Variants in ZNF397 observed in about 807,000 individuals in gnomAD.
ZNF397 encodes zinc finger protein 397.
A neutral mutation model predicts 50.6 loss-of-function variants in ZNF397; 38 were observed. The observed-to-expected ratio is 0.75, with a 90% confidence interval of 0.58 to 0.98. The LOEUF is 0.98. Ranked by LOEUF, ZNF397 falls within the 50% of genes least tolerant of loss-of-function variation. ZNF397 has a pLI of 0.00. For synonymous variants in ZNF397, 228 were observed against 215.2 expected (o/e 1.06, Z -0.52); for missense variants, 624 against 624.1 (o/e 1.00, Z 0.00).
At chr18:35,258,556 G>C (rs983223919), downstream of ZNF397, 2 of 153,062 alleles carry the variant, frequency 1.3e-5, no homozygotes, top group Non-Finnish European at 2.9e-5. Flanking sequence ...TGGGATCAGA[G>C]GGAGTGAGAG....
downstream of ZNF397, chr18:35,254,491 A>G (rs561145342): frequency 1.3e-6 from 2 of 1,558,766 alleles, no homozygotes; most frequent in African/African-American, 2.7e-5. Context: ...TTAGGAGGAC[A>G]GTTCTCAAAA....
chr18:35,246,075 A>G lies in ZNF397; in HGVS notation c.1370A>G (p.Glu457Gly). The change falls in exon 4 of 4, where the codon GAA becomes GGA. Residue 457 changes from glutamate (E) to glycine (G), a missense_variant. Coordinates refer to ENST00000330501, the MANE Select transcript of ZNF397 (RefSeq NM_001135178.3). The stretch of plus-strand genomic sequence containing the variant: ...GGAGAGAAACCCTATGAATGTAGTG[A>G]ATGTGGAAAAGCTTTCAGTTTGAGC... ...HSGEKPYECS[E>G]CGKAFSLSSN... 6.4e-7 allele frequency: 1 copy of G among 1,558,502 alleles called. No homozygotes were observed. The highest frequency in any genetic ancestry group is 2.4e-5 in the East Asian group (1 of 41,228).
At chr18:35,250,713 A>AATT (rs2057323217), downstream of ZNF397, among the ~76,000 whole-genome samples, 1 of 152,162 alleles carries the variant, frequency 6.6e-6, no homozygotes, top group African/African-American at 2.4e-5. Flanking sequence ...CCTTCTCAGC[A>AATT]ATTAGTGTTG....
downstream of ZNF397, chr18:35,258,901 AG>A (rs2043938665): frequency 8.8e-5 from 13 of 147,130 alleles, no homozygotes; most frequent in Non-Finnish European, 1.8e-4. Flanking sequence ...AAAAAAAAAA[AG>A]GTCAAAGTGC....
chr18:35,254,378 C>T (rs1169194137), downstream of ZNF397: 3 of 1,613,936 alleles, frequency 1.9e-6, no homozygotes, highest in African/African-American at 1.3e-5. Context: ...CACCATCCTG[C>T]CATCTAAAAA....
At chr18:35,251,219 AC>A (rs2043581096), downstream of ZNF397, 1 of 152,178 alleles carries the variant, frequency 6.6e-6, no homozygotes, top group Non-Finnish European at 1.5e-5. Flanking sequence ...AATAGAAAGT[AC>A]TCCAAAATGT....
At chr18:35,245,036 A>G (rs2043449253) in intron 3 of ZNF397, among the ~76,000 whole-genome samples, 1 of 152,164 alleles carries the variant, frequency 6.6e-6, no homozygotes, top group Non-Finnish European at 1.5e-5. Flanking sequence ...ATTGTAGGTA[A>G]TTTATCAGTT....
Position 35,244,626 on chromosome 18 carries a change from G to A in ZNF397, c.557-636G>A, listed in dbSNP as rs1015833974. Among the ~76,000 whole-genome samples, 6 of 152,168 alleles carry A rather than the reference G, an allele frequency of 3.9e-5. 1 individual carries two copies. The highest frequency in any genetic ancestry group is 2.9e-5 in the Non-Finnish European group (2 of 68,038). On this transcript the variant is annotated intron_variant, in intron 3 of 3. Transcript: ENST00000330501. ...AAATCAGGCTAATATCACTGGAAGA[G>A]AATGTCTCTAGAAGGAAGGTGTGAT...
intron 3 of ZNF397, chr18:35,243,739 AC>A: frequency 3.7e-6 from 1 of 271,326 alleles, no homozygotes; most frequent in Non-Finnish European, 7.0e-6. Flanking sequence ...TAAGACTTGA[AC>A]TATGAGTAAG....
At position 35,242,397 on chromosome 18, in the gene ZNF397, A is replaced by G. The variant is rs1912572851; in HGVS notation, c.-74A>G. 2.8e-6 allele frequency: 4 copies of G among 1,432,478 alleles called. No homozygotes were observed. In the South Asian group the frequency reaches 5.5e-5, roughly 20 times the overall value. The allele number at this position is 1,432,478 out of a possible 1,614,324, so 88.7% of individuals were successfully genotyped here. The stretch of plus-strand genomic sequence containing the variant: ...CTGCTTTTATATCCTTCAGGAAAGA[A>G]GAGATTACTCACACTCCTTCGCAAG... On this transcript the variant is annotated 5_prime_UTR_variant, in exon 2 of 4. Coordinates refer to ENST00000330501, the MANE Select transcript of ZNF397 (RefSeq NM_001135178.3).
In ZNF397 at chr18:35,245,302, A is replaced by T; in HGVS notation, c.597A>T (p.Ser199=). The change falls in exon 4 of 4, where the codon TCA becomes TCT. Residue 199 remains serine, a synonymous_variant. Coordinates refer to ENST00000330501, the MANE Select transcript of ZNF397 (RefSeq NM_001135178.3). ...NSETATKEGI[S]EEKSQGLPQE... is the part of the protein sequence containing the mutation. Reference sequence around the variant, plus strand: ...AAACAGCAACAAAAGAGGGCATCTCAGAAGAAAAATCACAGGGACTCCCTC... The same window carrying T: ...AAACAGCAACAAAAGAGGGCATCTCTGAAGAAAAATCACAGGGACTCCCTC... 6.2e-7 allele frequency: 1 copy of T among 1,611,606 alleles called. No homozygotes were observed. The highest frequency in any genetic ancestry group is 8.5e-7 in the Non-Finnish European group (1 of 1,178,444).
chr18:35,245,131 C>A, intron 3 of ZNF397, 131 bp from the exon 4 acceptor site: 2 of 1,212,888 alleles, frequency 1.6e-6, no homozygotes, highest in Non-Finnish European at 1.1e-6. Context: ...CTCTTTTGGC[C>A]AGTTGAAAAA....
At chr18:35,257,233 G>A (rs1227107853) in intron 5 of ZNF397, 1 of 152,284 alleles carries the variant, frequency 6.6e-6, no homozygotes, top group Non-Finnish European at 1.5e-5. Flanking sequence ...ATATTGACGA[G>A]TATGCTTTTA....
chr18:35,253,447 G>T, downstream of ZNF397: 1 of 1,558,830 alleles, frequency 6.4e-7, no homozygotes, highest in African/African-American at 1.4e-5. Context: ...CTTACCCACA[G>T]AGTTAAACTC....
downstream of ZNF397, among the ~76,000 whole-genome samples, chr18:35,250,008 A>G (rs1218524896): frequency 2.0e-5 from 3 of 152,174 alleles, no homozygotes; most frequent in Non-Finnish European, 4.4e-5. Flanking sequence ...GTCTCTTCCA[A>G]GTTTCAGGAA....
Position 35,246,929 on chromosome 18 carries a change from A to C in ZNF397, c.*619A>C. On this transcript the variant is annotated 3_prime_UTR_variant, in exon 4 of 4. Coordinates refer to ENST00000330501, the MANE Select transcript of ZNF397 (RefSeq NM_001135178.3). Reference sequence around the variant, plus strand: ...ACAAGACTGTAGTCTCTACAGTCTAATGGGCAAGGCAGCCAGACAGGCAGT... The same window carrying C: ...ACAAGACTGTAGTCTCTACAGTCTACTGGGCAAGGCAGCCAGACAGGCAGT... The C allele has an allele frequency of 2.2e-6, 2 of 912,180 alleles. No individual in the cohort carries two copies. The highest frequency in any genetic ancestry group is 5.6e-4 in the Middle Eastern group (1 of 1,772). 56.5% of individuals were successfully genotyped at this position (912,180 alleles called of 1,614,324 possible). A position where few individuals can be genotyped will look rare whatever the true frequency, so the allele number is the denominator to read the frequency against.
At chr18:35,244,468 A>G (rs1428124428) in intron 3 of ZNF397, among the ~76,000 whole-genome samples, 1 of 152,212 alleles carries the variant, frequency 6.6e-6, no homozygotes, top group African/African-American at 2.4e-5. Flanking sequence ...ACAATAGCTT[A>G]CAATGTAAGA....
rs1008670578 is a variant in ZNF397 at position 35,243,491 on chromosome 18, T to C, written c.556+198T>C. ...CCCTCCTGTGTGAGTTTCCCTGTTA[T>C]TCATTCATTCATTTCATTATGTTGT... On this transcript the variant is annotated intron_variant, in intron 3 of 3. Transcript: ENST00000330501. The C allele has an allele frequency of 5.9e-6, 4 of 678,754 alleles. No homozygotes were observed. The Admixed American group carries it at 1.0e-4, about 17-fold the overall frequency. 42.0% of individuals were successfully genotyped at this position (678,754 alleles called of 1,614,324 possible). A position where few individuals can be genotyped will look rare whatever the true frequency, so the allele number is the denominator to read the frequency against.
At chr18:35,244,461 A>G (rs944660538) in intron 3 of ZNF397, among the ~76,000 whole-genome samples, 6 of 152,232 alleles carry the variant, frequency 3.9e-5, no homozygotes, top group South Asian at 4.1e-4. Flanking sequence ...TAGTCAGACA[A>G]TAGCTTACAA....
Sources: allele counts gnomAD v4.1 joint callset (sites outside exome capture counted in the v4.1 genomes callset), GRCh38; gene constraint gnomAD v4.1.1; transcripts MANE v1.5; gene names NCBI Gene and HGNC (gene_info 2026-07-23, HGNC 2026-07-21).